The following GMIP variants were observed in gnomAD, a reference collection of about 807,000 sequenced individuals.
The protein encoded by GMIP is GEM interacting protein.
A neutral mutation model predicts 105.3 loss-of-function variants in GMIP; 54 were observed. The observed-to-expected ratio is 0.51, with a 90% CI of 0.41 to 0.64. The LOEUF is 0.64. Among genes scored for constraint, GMIP ranks in the 30% least tolerant of loss-of-function variants. The pLI is 0.00. For synonymous variants in GMIP, 541 were observed against 560.8 expected (o/e 0.96, Z 0.50); for missense variants, 1,110 against 1,319.4 (o/e 0.84, Z 2.46).
At position 19,633,944 on chromosome 19, in the gene GMIP, A is replaced by C. The variant is rs1266436161; in HGVS notation, c.2331T>G (p.Pro777=). 2.5e-6 allele frequency: 3 copies of C among 1,201,420 alleles called. No individual in the cohort carries two copies. The highest frequency in any genetic ancestry group is 2.2e-6 in the Non-Finnish European group (2 of 927,522). The allele number at this position is 1,201,420 out of a possible 1,614,324, so 74.4% of individuals were successfully genotyped here. ...GTTGGGAGCTGGTTGTGAGGGGCCCAGGGGCTGGGCTGGAGTCTTGGGGCG... is the reference window on the plus strand; with the variant it reads ...GTTGGGAGCTGGTTGTGAGGGGCCCCGGGGCTGGGCTGGAGTCTTGGGGCG... ...EPPPQDSSPA[P]GPLTTSSQPP... is the part of the protein sequence containing the mutation. Residue 777 remains proline, a synonymous_variant, in exon 19 of 21, where the codon CCT becomes CCG. Transcript: ENST00000203556.
rs1196567646 is a variant in GMIP, at chr19:19,643,614, C to CGCA, written c.-88_-86dup. ...GGGCCGAGCCCCGATTTCCTGCCGC[C>CGCA]GCAGCCGCCGCCGCCGCCTCGGTTC... On this transcript the variant is annotated 5_prime_UTR_variant, in exon 1 of 21. Transcript: ENST00000203556. The CGCA allele has an allele frequency of 1.6e-6, 2 of 1,229,120 alleles. No individual in the cohort carries two copies. Among genetic ancestry groups the CGCA allele is most frequent in the Non-Finnish European group, 2.3e-6 (2 of 886,706 alleles). 76.1% of individuals were successfully genotyped at this position (1,229,120 alleles called of 1,614,324 possible). A position where few individuals can be genotyped will look rare whatever the true frequency, so the allele number is the denominator to read the frequency against.
chr19:19,643,436 G>C, intron 1 of GMIP, 75 bp downstream of exon 1: 1 of 1,330,758 alleles, frequency 7.5e-7, no homozygotes, highest in Non-Finnish European at 1.1e-6. Flanking sequence ...GGACGGAGCG[G>C]GACAAGTGTG....
At position 19,637,465 on chromosome 19, in the gene GMIP, C is replaced by G; in HGVS notation, c.1024G>C (p.Gly342Arg). Residue 342 changes from glycine (G) to arginine (R), a missense_variant, in exon 11 of 21, where the codon GGC (glycine) becomes CGC (arginine). This residue lies in a region of GMIP where 667 missense variants were observed against 773.2 expected (regional missense o/e 0.86). Coordinates refer to ENST00000203556, the MANE Select transcript of GMIP (RefSeq NM_016573.4). The surrounding 1 kb of genome is among the most constrained non-coding windows in gnomAD (Gnocchi z 6.7). Reference protein sequence around the residue: ...LAECCAPFEPGQRYQEFVRAL... With the variant: ...LAECCAPFEPRQRYQEFVRAL... Reference sequence around the variant, plus strand: ...CGTACAAACTCCTGGTAGCGCTGGCCCGGCTCAAAGGGCGCACAGCACTCG... The same window carrying G: ...CGTACAAACTCCTGGTAGCGCTGGCGCGGCTCAAAGGGCGCACAGCACTCG... The G allele has an allele frequency of 6.5e-7, 1 of 1,532,468 alleles. No individual in the cohort carries two copies. Among genetic ancestry groups the G allele is most frequent in the South Asian group, 1.2e-5 (1 of 82,780 alleles). The allele number at this position is 1,532,468 out of a possible 1,614,324, so 94.9% of individuals were successfully genotyped here. A position where few individuals can be genotyped will look rare whatever the true frequency, so the allele number is the denominator to read the frequency against.
chr19:19,641,918 C>T, intron 3 of GMIP, 51 bp from the exon 4 acceptor site: 1 of 1,596,682 alleles, frequency 6.3e-7, no homozygotes, highest in South Asian at 1.1e-5. Flanking sequence ...GGGGCCTGGC[C>T]TTCCTAAGGC....
rs2061925825 is a variant in GMIP, at chr19:19,641,990, G to A, written c.166C>T (p.Pro56Ser). The change falls in exon 3 of 21, where the codon CCT becomes TCT. Residue 56 changes from proline to serine, a missense_variant. Coordinates refer to ENST00000203556, the MANE Select transcript of GMIP (RefSeq NM_016573.4). ...LSEDPEPDKT[P>S]TATVTNEASC... Reference sequence around the variant, plus strand: ...TCCCCACTCACAACAGTGGCTGTAGGGGTCTTGTCAGGTTCTGGGTCTTCT... The same window carrying A: ...TCCCCACTCACAACAGTGGCTGTAGAGGTCTTGTCAGGTTCTGGGTCTTCT... The A allele has an allele frequency of 6.2e-7, 1 of 1,613,230 alleles. No homozygotes were observed. The highest frequency in any genetic ancestry group is 8.5e-7 in the Non-Finnish European group (1 of 1,179,250).
intron 7 of GMIP, among the ~76,000 whole-genome samples, 158 bp from the exon 8 acceptor site, chr19:19,638,640 G>A (rs1167347931): frequency 6.6e-6 from 1 of 151,678 alleles, no homozygotes; most frequent in African/African-American, 2.4e-5. Context: ...CCAGGTTGGA[G>A]TGCAAGTGGG....
intron 13 of GMIP, among the ~76,000 whole-genome samples, chr19:19,636,502 G>A (rs1229693132): frequency 1.3e-5 from 2 of 152,124 alleles, no homozygotes; most frequent in East Asian, 1.9e-4. Flanking sequence ...CAGGCTGGGC[G>A]ACAGAATGAG....
rs2061870648 is a variant in GMIP, at chr19:19,637,693, A to T, written c.928-132T>A. 3.5e-6 allele frequency: 3 copies of T among 862,436 alleles called. No individual in the cohort carries two copies. The highest frequency in any genetic ancestry group is 3.5e-5 in the African/African-American group (2 of 56,828). The allele number at this position is 862,436 out of a possible 1,614,324, so 53.4% of individuals were successfully genotyped here. On this transcript the variant is annotated intron_variant, in intron 10 of 20. Transcript: ENST00000203556. This position sits in a 1 kb window ranked among gnomAD's most constrained non-coding sequence, Gnocchi z 6.7. ...GACGCACCTGGGCGGCTTAGGAACT[A>T]GGGCAGTCGGCCAGGGGACCCAGGC... is the stretch of plus-strand genomic sequence containing the variant.
In GMIP at chr19:19,636,752, C is replaced by T. The variant is rs978423406; in HGVS notation, c.1282G>A (p.Gly428Ser). 3 of 1,613,604 alleles carry T rather than the reference C, an allele frequency of 1.9e-6. No individual in the cohort carries two copies. The highest frequency in any genetic ancestry group is 2.5e-6 in the Non-Finnish European group (3 of 1,179,878). ...TCCAGGGACCGAGACTCGCTGCCGCCACCCACGCTGTCCACATCGCTGCCC... is the reference window on the plus strand; with the variant it reads ...TCCAGGGACCGAGACTCGCTGCCGCTACCCACGCTGTCCACATCGCTGCCC... ...TPGSDVDSVG[G>S]GSESRSLDSP... Residue 428 changes from glycine (G) to serine (S), a missense_variant, in exon 13 of 21, where the codon GGC becomes AGC. Physicochemically the swap from Gly to Ser is moderately conservative, Grantham distance 56 (BLOSUM62 0). Around this residue, in one of 3 missense-constraint regions of GMIP, gnomAD observed 667 missense variants for 773.2 expected, o/e 0.86. Coordinates refer to ENST00000203556, the MANE Select transcript of GMIP (RefSeq NM_016573.4).
In GMIP at chr19:19,630,423, G is replaced by A. The variant is rs750217745; in HGVS notation, c.2539+48C>T. On this transcript the variant is annotated intron_variant, in intron 20 of 20. Transcript: ENST00000203556. This position sits in a 1 kb window ranked among gnomAD's most constrained non-coding sequence, Gnocchi z 4.8. ...AGTCATCTTTTAGCAAGCCACCCTGGGGCCAGGGCACCCCCAGAACTCCTG... is the reference window on the plus strand; with the variant it reads ...AGTCATCTTTTAGCAAGCCACCCTGAGGCCAGGGCACCCCCAGAACTCCTG... 1 of 1,606,266 alleles carries A rather than the reference G, an allele frequency of 6.2e-7. No homozygotes were observed. Among genetic ancestry groups the A allele is most frequent in the South Asian group, 1.1e-5 (1 of 90,274 alleles).
chr19:19,633,213 C>G (rs993525212), intron 19 of GMIP, among the ~76,000 whole-genome samples: 1 of 152,056 alleles, frequency 6.6e-6, no homozygotes, highest in African/African-American at 2.4e-5. Flanking sequence ...TACACACCAC[C>G]ACACCTGGCT....
Position 19,643,536 on chromosome 19 carries a change from G to A in GMIP, c.-7C>T, listed in dbSNP as rs1357794672. On this transcript the variant is annotated 5_prime_UTR_variant, in exon 1 of 21. Transcript: ENST00000203556. The stretch of plus-strand genomic sequence containing the variant: ...CCGGCTCTGCTGCGTCCATATCTGG[G>A]CCCGGGGATCGCTCTGCAGGGACCG... 188 of 1,547,140 alleles carry A rather than the reference G, an allele frequency of 1.2e-4. No individual in the cohort carries two copies. The East Asian group carries it at 4.6e-3, about 38-fold the overall frequency.
Position 19,640,527 on chromosome 19 carries a change from C to T in GMIP, c.283G>A (p.Asp95Asn). 6.2e-7 allele frequency: 1 copy of T among 1,613,966 alleles called. No homozygotes were observed. The highest frequency in any genetic ancestry group is 1.3e-5 in the African/African-American group (1 of 74,996). ...LRLIRTKGGVDAALEYAKTWS... is the reference protein window; with the variant it reads ...LRLIRTKGGVNAALEYAKTWS... ...GTCTTGGCATATTCCAGGGCTGCGT[C>T]CACACCCCCCTTTGTCCGAATGAGC... Residue 95 changes from aspartate (D) to asparagine (N), a missense_variant, in exon 5 of 21, where the codon GAC (aspartate) becomes AAC (asparagine). Transcript: ENST00000203556.
At position 19,629,528 on chromosome 19, in the gene GMIP, G is replaced by A. The variant is rs927143582; in HGVS notation, c.*435C>T. On this transcript the variant is annotated 3_prime_UTR_variant, in exon 21 of 21. Coordinates refer to ENST00000203556, the MANE Select transcript of GMIP (RefSeq NM_016573.4). ...CAGACCTCAGGCACCACCAGCATGT[G>A]GAGTCTGAGCTGCCCACCTCCTCCA... 3.3e-5 allele frequency: 6 copies of A among 181,358 alleles called. No individual in the cohort carries two copies. Among genetic ancestry groups the A allele is most frequent in the Admixed American group, 5.4e-5 (1 of 18,638 alleles). The allele number at this position is 181,358 out of a possible 1,614,324, so 11.2% of individuals were successfully genotyped here. A position where few individuals can be genotyped will look rare whatever the true frequency, so the allele number is the denominator to read the frequency against.
intron 13 of GMIP, 107 bp downstream of exon 13, chr19:19,636,600 G>A (rs1180466877): frequency 2.5e-6 from 2 of 810,218 alleles, no homozygotes; most frequent in Admixed American, 1.7e-5. Flanking sequence ...AGGGGTGTGG[G>A]GTAGGTCAGA....
chr19:19,643,530 A>C lies in GMIP; in HGVS notation c.-1T>G. ...CCCTACCCGGCTCTGCTGCGTCCAT[A>C]TCTGGGCCCGGGGATCGCTCTGCAG... is the stretch of plus-strand genomic sequence containing the variant. On this transcript the variant is annotated 5_prime_UTR_variant, in exon 1 of 21. Coordinates refer to ENST00000203556, the MANE Select transcript of GMIP (RefSeq NM_016573.4). 1 of 1,547,328 alleles carries C rather than the reference A, an allele frequency of 6.5e-7. No homozygotes were observed.
At chr19:19,643,127 C>G (rs2061941428) in intron 1 of GMIP, 1 of 259,838 alleles carries the variant, frequency 3.8e-6, no homozygotes, top group Admixed American at 5.1e-5. Flanking sequence ...CCTGCCCCCT[C>G]TCCTAAGGGG....
In GMIP at chr19:19,633,799, T is replaced by C; in HGVS notation, c.2472+4A>G. 1 of 1,455,704 alleles carries C rather than the reference T, an allele frequency of 6.9e-7. No individual in the cohort carries two copies. Among genetic ancestry groups the C allele is most frequent in the Non-Finnish European group, 9.1e-7 (1 of 1,101,630 alleles). 90.2% of individuals were successfully genotyped at this position (1,455,704 alleles called of 1,614,324 possible). On this transcript the variant is annotated splice_donor_region_variant and intron_variant, in intron 19 of 20. Transcript: ENST00000203556. The stretch of plus-strand genomic sequence containing the variant: ...CCATAGCTGTGGGCCCAGTGGGTTC[T>C]TACCTCGGTAGGTGTGGCCGTGGGA...
At chr19:19,643,251 A>G (rs1255195348) in intron 1 of GMIP, 12 of 457,330 alleles carry the variant, frequency 2.6e-5, no homozygotes, top group East Asian at 2.5e-4. Context: ...AAAAATCAGA[A>G]GCAGAAGCAG....
Sources: allele counts gnomAD v4.1 joint callset (sites outside exome capture counted in the v4.1 genomes callset), GRCh38; gene constraint gnomAD v4.1.1; regional missense constraint gnomAD v4.1.1; non-coding constraint Gnocchi (gnomAD v3.1); transcripts MANE v1.5; gene names NCBI Gene and HGNC (gene_info 2026-07-23, HGNC 2026-07-21).